The following TET1 variants were observed in gnomAD, a reference collection of about 807,000 sequenced individuals.
TET1 encodes methylcytosine dioxygenase TET1.
In TET1, 13 loss-of-function variants were observed where a neutral mutation model predicts 148.7. The observed-to-expected ratio is 0.09, with a 90% confidence interval of 0.06 to 0.14. The LOEUF is 0.14. Ranked by LOEUF, TET1 falls within the 10% of genes least tolerant of loss-of-function variation. TET1 has a pLI of 1.00. For missense variants in TET1, 2,182 were observed against 2,553.8 expected (o/e 0.85, Z 3.14); for synonymous variants, 907 against 937.2 (o/e 0.97, Z 0.59).
chr10:68,640,544 CTTTTTTT>C (rs60460824), intron 3 of TET1, among the ~76,000 whole-genome samples: 6 of 42,884 alleles, frequency 1.4e-4, no homozygotes, highest in African/African-American at 2.0e-4. Context: ...TTCTTTCTTT[CTTTTTTT>C]TTTTTTTTTT....
At position 68,602,927 on chromosome 10, in the gene TET1, T is replaced by TA. The variant is rs534928932; in HGVS notation, c.1968+1901dup. ...TTTCTCTGCTTCACAGTAGAAATGC[T>TA]AAAAAAAACTTTCAGATTTTAGCTT... On this transcript the variant is annotated intron_variant, in intron 3 of 11. Coordinates refer to ENST00000373644, the MANE Select transcript of TET1 (RefSeq NM_030625.3). Among the ~76,000 whole-genome samples the TA allele has an allele frequency of 2.8e-4, 43 of 152,150 alleles. No individual in the cohort carries two copies. The South Asian group carries it at 4.1e-3, about 15-fold the overall frequency.
chr10:68,689,552 T>A (rs1296163104), intron 11 of TET1, among the ~76,000 whole-genome samples: 1 of 151,458 alleles, frequency 6.6e-6, no homozygotes, highest in African/African-American at 2.4e-5. Flanking sequence ...ATACAAAAAA[T>A]TAGCCAGGCG....
intron 2 of TET1, among the ~76,000 whole-genome samples, chr10:68,587,742 AT>A (rs1306907574): frequency 6.6e-6 from 1 of 152,130 alleles, no homozygotes; most frequent in Non-Finnish European, 1.5e-5. Flanking sequence ...GGAGACTAAC[AT>A]TTTTTTGAGG....
rs138459618 is a variant in TET1 at position 68,686,532 on chromosome 10, A to T, written c.5229A>T (p.Lys1743Asn). The T allele has an allele frequency of 3.1e-6, 5 of 1,614,028 alleles. No homozygotes were observed. In the African/African-American group the frequency reaches 5.3e-5, roughly 17 times the overall value. The change falls in exon 11 of 12, where the codon AAA (lysine) becomes AAT (asparagine). Residue 1743 changes from lysine to asparagine, a missense_variant. Transcript: ENST00000373644. The stretch of plus-strand genomic sequence containing the variant: ...AGGTCCTGGCACCCCGCCGCAAAAA[A>T]AGAACGTGTTTCACTCAGCCTGTTC... The part of the protein sequence containing the change: ...AIEVLAPRRK[K>N]RTCFTQPVPR...
At chr10:68,648,354 G>A (rs2054882255) in intron 4 of TET1, among the ~76,000 whole-genome samples, 1 of 152,190 alleles carries the variant, frequency 6.6e-6, no homozygotes, top group African/African-American at 2.4e-5. Context: ...ACTCTTCTAA[G>A]AAACCTGTTG....
intron 3 of TET1, among the ~76,000 whole-genome samples, chr10:68,607,917 G>A (rs190807305): frequency 6.6e-6 from 1 of 150,858 alleles, no homozygotes; most frequent in African/African-American, 2.4e-5. Flanking sequence ...GAGAACGTGG[G>A]TAACAGAGGT....
chr10:68,627,677 A>G (rs1269893143), intron 3 of TET1, among the ~76,000 whole-genome samples: 2 of 151,936 alleles, frequency 1.3e-5, no homozygotes, highest in Non-Finnish European at 2.9e-5. Flanking sequence ...CTGTAATCCT[A>G]GCACTCTGGG....
intron 6 of TET1, among the ~76,000 whole-genome samples, chr10:68,658,731 A>G (rs552177704): frequency 7.2e-4 from 110 of 152,260 alleles, no homozygotes; most frequent in Non-Finnish European, 1.4e-3. Context: ...TAGATTTTGA[A>G]GAAAAGGGTA....
chr10:68,644,741 C>T lies in TET1; in HGVS notation c.2012C>T (p.Ser671Phe). ...NKPVNGPKSE[S>F]MDYSRCGHGE... ...CCAGTAAATGGCCCCAAGTCAGAAT[C>T]CATGGACTACAGTAGATGTGGTCAT... The change falls in exon 4 of 12, where the codon TCC (serine) becomes TTC (phenylalanine). Residue 671 changes from serine (S) to phenylalanine (F), a missense_variant. Ser to Phe is a radical substitution (Grantham distance 155). Around this residue, in one of 11 missense-constraint regions of TET1, gnomAD observed 226 missense variants for 307.4 expected, o/e 0.74. Transcript: ENST00000373644. 1 of 1,593,906 alleles carries T rather than the reference C, an allele frequency of 6.3e-7. No homozygotes were observed. Among genetic ancestry groups the T allele is most frequent in the Non-Finnish European group, 8.5e-7 (1 of 1,172,986 alleles).
intron 6 of TET1, among the ~76,000 whole-genome samples, chr10:68,664,860 G>C (rs1056589502): frequency 6.6e-6 from 1 of 151,346 alleles, no homozygotes; most frequent in African/African-American, 2.4e-5. Context: ...CTGCAACCTC[G>C]GCTTCCCAGG....
chr10:68,651,294 C>A lies in TET1; in HGVS notation c.4277-552C>A, dbSNP rs553610841. Among the ~76,000 whole-genome samples, 178 of 148,504 alleles carry A rather than the reference C, an allele frequency of 1.2e-3. 1 individual carries two copies. The highest frequency in any genetic ancestry group is 0.01 in the Middle Eastern group (3 of 288). ...GAAACCCCGTCTCTACTAAAAAATA[C>A]AAAAAAAAAATTAGCCGGGCGTGGT... On this transcript the variant is annotated intron_variant, in intron 4 of 11. Transcript: ENST00000373644.
chr10:68,577,479 A>G (rs1452513942), intron 2 of TET1, among the ~76,000 whole-genome samples: 2 of 139,898 alleles, frequency 1.4e-5, no homozygotes, highest in East Asian at 4.4e-4. Flanking sequence ...ACATAGCAAG[A>G]CCTCATCAAA....
chr10:68,643,691 G>A (rs797022195), intron 3 of TET1, among the ~76,000 whole-genome samples: 2 of 151,876 alleles, frequency 1.3e-5, no homozygotes, highest in African/African-American at 4.8e-5. Flanking sequence ...TGTGGTGGCT[G>A]TAATCCCAGC....
At chr10:68,671,160 G>T (rs917399897) in intron 7 of TET1, among the ~76,000 whole-genome samples, 50 of 152,250 alleles carry the variant, frequency 3.3e-4, no homozygotes, top group African/African-American at 1.1e-3. Flanking sequence ...TACTAAGCTA[G>T]TATCCAATGG....
chr10:68,683,440 G>A (rs527727115), intron 10 of TET1, among the ~76,000 whole-genome samples: 2 of 151,746 alleles, frequency 1.3e-5, no homozygotes, highest in Non-Finnish European at 2.9e-5. Context: ...GACCACACCC[G>A]GATAATTTTT....
chr10:68,688,866 A>C (rs1000233596), intron 11 of TET1, among the ~76,000 whole-genome samples: 2 of 152,144 alleles, frequency 1.3e-5, no homozygotes, highest in Admixed American at 1.3e-4. Flanking sequence ...ACTGACACTC[A>C]AAATTAACAT....
At chr10:68,658,736 A>C (rs1170378092) in intron 6 of TET1, among the ~76,000 whole-genome samples, 1 of 152,106 alleles carries the variant, frequency 6.6e-6, no homozygotes, top group Non-Finnish European at 1.5e-5. Context: ...TTTGAAGAAA[A>C]GGGTAATGTA....
At chr10:68,607,916 G>T (rs1345614321) in intron 3 of TET1, among the ~76,000 whole-genome samples, 3 of 150,708 alleles carry the variant, frequency 2.0e-5, no homozygotes, top group African/African-American at 7.3e-5. Flanking sequence ...AGAGAACGTG[G>T]GTAACAGAGG....
intron 10 of TET1, among the ~76,000 whole-genome samples, chr10:68,683,684 T>C (rs963865851): frequency 6.6e-6 from 1 of 152,222 alleles, no homozygotes; most frequent in South Asian, 2.1e-4. Context: ...AGTGCTGGGA[T>C]TACAGGTGTG....
Sources: allele counts gnomAD v4.1 joint callset (sites outside exome capture counted in the v4.1 genomes callset), GRCh38; gene constraint gnomAD v4.1.1; regional missense constraint gnomAD v4.1.1; transcripts MANE v1.5; gene names NCBI Gene and HGNC (gene_info 2026-07-23, HGNC 2026-07-21).